SLC9B1: variants seen among roughly 807,000 people sequenced by gnomAD.
SLC9B1 encodes sodium/hydrogen exchanger 9B1.
In SLC9B1, 32 loss-of-function variants were observed where a neutral mutation model predicts 51.7. The observed-to-expected ratio is 0.62, with a 90% CI of 0.47 to 0.83. The LOEUF (loss-of-function observed/expected upper bound fraction) is 0.83, where lower values mean the gene tolerates loss of function less well. SLC9B1 is among the 40% of genes least tolerant of loss of function. The pLI is 0.00. For missense variants in SLC9B1, 406 were observed against 613.2 expected (o/e 0.66, Z 3.57); for synonymous variants, 145 against 212.7 (o/e 0.68, Z 2.77).
At chr4:102,890,994 T>C (rs965936946) in intron 11 of SLC9B1, 1 of 150,944 alleles carries the variant, frequency 6.6e-6, no homozygotes, top group African/African-American at 2.5e-5. Context: ...TAAAGACCAC[T>C]TTGAAGGCTG....
At position 102,906,391 on chromosome 4, in the gene SLC9B1, A is replaced by G. The variant is rs553085914; in HGVS notation, c.1195+145T>C. 3.2e-5 allele frequency: 15 copies of G among 470,096 alleles called. No homozygotes were observed. The East Asian group carries it at 5.4e-4, about 17-fold the overall frequency. 29.1% of individuals were successfully genotyped at this position (470,096 alleles called of 1,614,324 possible). Reference sequence around the variant, plus strand: ...AGAGCACCCAGTGTAAAGGAAGAGCAATATGAAAATATGACACTGTATCAA... The same window carrying G: ...AGAGCACCCAGTGTAAAGGAAGAGCGATATGAAAATATGACACTGTATCAA... On this transcript the variant is annotated intron_variant, in intron 10 of 11. Transcript: ENST00000296422.
downstream of SLC9B1, among the ~76,000 whole-genome samples, chr4:102,900,050 A>G (rs1192780150): frequency 4.6e-5 from 7 of 152,300 alleles, no homozygotes; most frequent in Non-Finnish European, 8.8e-5. Context: ...TAATTGCTTC[A>G]CTTGGCAAAT....
intron 3 of SLC9B1, among the ~76,000 whole-genome samples, chr4:102,974,752 T>A (rs756482033): frequency 2.8e-4 from 43 of 152,266 alleles, no homozygotes; most frequent in Non-Finnish European, 4.9e-4. Flanking sequence ...CACTATCACA[T>A]CAAAATAATT....
At chr4:102,985,454 A>C (rs1455217523) in intron 3 of SLC9B1, among the ~76,000 whole-genome samples, 1 of 152,066 alleles carries the variant, frequency 6.6e-6, no homozygotes, top group Non-Finnish European at 1.5e-5. Context: ...TTAGCATATC[A>C]ATTATACTTC....
intron 1 of SLC9B1, among the ~76,000 whole-genome samples, chr4:102,993,363 C>T (rs1740049077): frequency 6.6e-6 from 1 of 152,212 alleles, no homozygotes. Flanking sequence ...AATCAGTAAA[C>T]CTTAAAGTTC....
intron 10 of SLC9B1, among the ~76,000 whole-genome samples, chr4:102,906,059 C>G (rs1421093038): frequency 1.3e-5 from 2 of 152,098 alleles, no homozygotes; most frequent in African/African-American, 4.8e-5. Flanking sequence ...CCTCAGCCTC[C>G]CGAGTAGCTG....
chr4:103,010,544 T>C (rs1486897708), intron 1 of SLC9B1, among the ~76,000 whole-genome samples: 3 of 152,196 alleles, frequency 2.0e-5, no homozygotes, highest in Non-Finnish European at 4.4e-5. Flanking sequence ...GGGTAATTTA[T>C]AAATAACAAA....
chr4:102,999,631 T>C (rs1294137499), intron 1 of SLC9B1, among the ~76,000 whole-genome samples: 1 of 152,190 alleles, frequency 6.6e-6, no homozygotes, highest in Non-Finnish European at 1.5e-5. Flanking sequence ...GAAAGAAATA[T>C]GTGGAGTAGG....
chr4:102,898,274 C>T (rs1734628698), downstream of SLC9B1: 1 of 479,084 alleles, frequency 2.1e-6, no homozygotes. Context: ...GAAACTTGCG[C>T]ATCACTGAAG....
chr4:103,002,613 A>T (rs1281460131), intron 1 of SLC9B1, among the ~76,000 whole-genome samples: 2 of 152,254 alleles, frequency 1.3e-5, no homozygotes, highest in African/African-American at 4.8e-5. Flanking sequence ...AAAATAGAAA[A>T]TAAAGGATGA....
intron 11 of SLC9B1, chr4:102,890,909 T>G (rs1734217299): frequency 6.7e-6 from 1 of 148,548 alleles, no homozygotes; most frequent in Non-Finnish European, 1.5e-5. Context: ...AGTACGAAGT[T>G]CGTAGGACAG....
At chr4:102,949,602 C>T (rs1578372620) in intron 3 of SLC9B1, among the ~76,000 whole-genome samples, 175 bp from the exon 4 acceptor site, 1 of 152,240 alleles carries the variant, frequency 6.6e-6, no homozygotes, top group East Asian at 1.9e-4. Context: ...ACATATATTC[C>T]AAATAACCTG....
At chr4:102,992,276 C>T (rs1401105208) in intron 1 of SLC9B1, among the ~76,000 whole-genome samples, 1 of 152,038 alleles carries the variant, frequency 6.6e-6, no homozygotes, top group African/African-American at 2.4e-5. Context: ...TTACTTATAA[C>T]TTTTATTTTA....
chr4:102,952,885 A>T (rs1288287165), intron 3 of SLC9B1, among the ~76,000 whole-genome samples: 1 of 21,352 alleles, frequency 4.7e-5, no homozygotes, highest in African/African-American at 3.1e-4. Context: ...TTGTCAGATG[A>T]GTAGGTTGCG....
chr4:103,018,882 C>A (rs924921592), intron 1 of SLC9B1, among the ~76,000 whole-genome samples: 1 of 152,314 alleles, frequency 6.6e-6, no homozygotes, highest in African/African-American at 2.4e-5. Flanking sequence ...TATGCCTGAG[C>A]TCCAGCTCCT....
At chr4:102,921,380 C>A (rs1314214952) in intron 7 of SLC9B1, among the ~76,000 whole-genome samples, 1 of 152,134 alleles carries the variant, frequency 6.6e-6, no homozygotes, top group Non-Finnish European at 1.5e-5. Context: ...TTGTCACCAC[C>A]AGGCCTGCCT....
chr4:102,974,249 A>AT (rs1738935428), intron 3 of SLC9B1, among the ~76,000 whole-genome samples: 1 of 141,262 alleles, frequency 7.1e-6, no homozygotes, highest in African/African-American at 2.8e-5. Flanking sequence ...ATTGAAAAAA[A>AT]AAAAAAAAAA....
At position 102,962,224 on chromosome 4, in the gene SLC9B1, C is replaced by T. The variant is rs1368944338; in HGVS notation, c.212-12797G>A. ...AGTCAGCAAAGGTAGTTGACAAAGC[C>T]CAAAGGAGAATGTTGAGGGGAGTTG... On this transcript the variant is annotated intron_variant, in intron 3 of 11. Coordinates refer to ENST00000296422, the MANE Select transcript of SLC9B1 (RefSeq NM_139173.4). 12 of 535,978 alleles carry T rather than the reference C, an allele frequency of 2.2e-5. 1 individual carries two copies. Among genetic ancestry groups the T allele is most frequent in the Non-Finnish European group, 4.2e-5 (11 of 264,172 alleles). The allele number at this position is 535,978 out of a possible 1,614,324, so 33.2% of individuals were successfully genotyped here.
chr4:102,984,209 T>C (rs1246057940), intron 3 of SLC9B1, among the ~76,000 whole-genome samples: 1 of 152,046 alleles, frequency 6.6e-6, no homozygotes. Flanking sequence ...CTCTGCCTCC[T>C]GGGGTAAGCA....
Sources: gnomAD v4.1 joint callset for allele counts (sites outside exome capture counted in the v4.1 genomes callset) on GRCh38, gnomAD v4.1.1 for gene constraint, MANE v1.5 for transcripts, NCBI Gene and HGNC (gene_info 2026-07-23, HGNC 2026-07-21) for gene names.